The following RASA2 variants were observed in gnomAD, a reference collection of about 807,000 sequenced individuals.
RASA2 encodes the protein RAS p21 protein activator 2.
In RASA2, 155 loss-of-function variants were observed where a neutral mutation model predicts 118.2. That is an observed-to-expected ratio of 1.31 (90% CI 1.15 to 1.50). The LOEUF is 1.50. Ranked by LOEUF, RASA2 falls within the 40% of genes most tolerant of loss-of-function variation. The probability of loss-of-function intolerance (pLI) is 0.00; values close to 1 mark genes in which losing one functional copy is unlikely to be tolerated. For synonymous variants in RASA2, 353 were observed against 349.1 expected, an observed-to-expected ratio of 1.01 and a Z score of -0.12; for missense variants, 1,016 against 1,009.6, an observed-to-expected ratio of 1.01 and a Z score of -0.09.
At chr3:141,503,296 C>T (rs576952142) in intron 1 of RASA2, among the ~76,000 whole-genome samples, 1 of 152,272 alleles carries the variant, frequency 6.6e-6, no homozygotes, top group East Asian at 1.9e-4. Flanking sequence ...TGTACATACT[C>T]ACATACATGA....
intron 3 of RASA2, among the ~76,000 whole-genome samples, chr3:141,520,011 CTTT>C (rs559634060): frequency 9.1e-6 from 1 of 109,786 alleles, no homozygotes; most frequent in African/African-American, 3.6e-5. Context: ...TTCTTTTTCT[CTTT>C]TTTTTTTTTT....
At chr3:141,515,529 A>G (rs1212718198) in intron 2 of RASA2, among the ~76,000 whole-genome samples, 2 of 152,198 alleles carry the variant, frequency 1.3e-5, no homozygotes, top group Non-Finnish European at 2.9e-5. Flanking sequence ...GTTGAAATTT[A>G]GCATTGAGAA....
In RASA2 at chr3:141,540,497, T is replaced by C. The variant is rs775596216; in HGVS notation, c.451-36T>C. ...TACCTTTAATATTTTGTCAGTAAAATAGACTACTCAGTTTGTAATCTTTTT... is the reference window on the plus strand; with the variant it reads ...TACCTTTAATATTTTGTCAGTAAAACAGACTACTCAGTTTGTAATCTTTTT... On this transcript the variant is annotated intron_variant, in intron 4 of 23. Coordinates refer to ENST00000286364, the MANE Select transcript of RASA2 (RefSeq NM_006506.5). 15 of 1,517,270 alleles carry C rather than the reference T, an allele frequency of 9.9e-6. No homozygotes were observed. The African/African-American group carries it at 1.4e-4, about 14-fold the overall frequency. The allele number at this position is 1,517,270 out of a possible 1,614,324, so 94.0% of individuals were successfully genotyped here.
At chr3:141,602,320 T>G (rs1325552376) in intron 19 of RASA2, among the ~76,000 whole-genome samples, 1 of 152,242 alleles carries the variant, frequency 6.6e-6, no homozygotes, top group Non-Finnish European at 1.5e-5. Context: ...TTGTTTTACC[T>G]CAGATCATCA....
intron 15 of RASA2, among the ~76,000 whole-genome samples, chr3:141,580,069 G>GAAAA (rs1165547118): frequency 1.3e-4 from 9 of 67,940 alleles, no homozygotes; most frequent in South Asian, 6.8e-4. Flanking sequence ...AAAAAAAAAA[G>GAAAA]AAAAAAAAAA....
intron 4 of RASA2, among the ~76,000 whole-genome samples, chr3:141,532,028 TTCAACA>T (rs1418220910): frequency 2.6e-5 from 4 of 152,084 alleles, no homozygotes; most frequent in Non-Finnish European, 5.9e-5. Flanking sequence ...ACAGATTGCG[TTCAACA>T]GGAACTCAGT....
At chr3:141,590,081 G>A (rs539680407) in intron 19 of RASA2, 1 of 454,186 alleles carries the variant, frequency 2.2e-6, no homozygotes, top group African/African-American at 2.0e-5. Context: ...TAACTATTTT[G>A]ATGGATTTTT....
In RASA2 at chr3:141,607,767, T is replaced by C; in HGVS notation, c.2016+7T>C. Reference sequence around the variant, plus strand: ...CTCTTTCAACAAGAAAAATGTAAGTTATGTAAATAAATATTTAAAGCTTTC... The same window carrying C: ...CTCTTTCAACAAGAAAAATGTAAGTCATGTAAATAAATATTTAAAGCTTTC... On this transcript the variant is annotated splice_region_variant and intron_variant, in intron 20 of 23. Transcript: ENST00000286364. 1.9e-6 allele frequency: 3 copies of C among 1,569,392 alleles called. No individual in the cohort carries two copies. The highest frequency in any genetic ancestry group is 2.6e-6 in the Non-Finnish European group (3 of 1,161,684).
At chr3:141,605,301 GATGGT>G (rs1253568777) in intron 19 of RASA2, among the ~76,000 whole-genome samples, 5 of 152,042 alleles carry the variant, frequency 3.3e-5, no homozygotes, top group Admixed American at 6.6e-5. Context: ...ATCCATCCAC[GATGGT>G]ACTTAACTAT....
At position 141,577,070 on chromosome 3, in the gene RASA2, A is replaced by C; in HGVS notation, c.1554A>C (p.Val518=). The change falls in exon 15 of 24, where the codon GTA becomes GTC. Residue 518 remains valine, a synonymous_variant. Transcript: ENST00000286364. ...TTCGTTTCTTTGCTGTAGCCGTAGTATCACCTCATACTTTTCATTTGCGAC... is the reference window on the plus strand; with the variant it reads ...TTCGTTTCTTTGCTGTAGCCGTAGTCTCACCTCATACTTTTCATTTGCGAC... ...VFLRFFAVAV[V]SPHTFHLRPH... The C allele has an allele frequency of 6.2e-7, 1 of 1,610,572 alleles. No homozygotes were observed. The highest frequency in any genetic ancestry group is 8.5e-7 in the Non-Finnish European group (1 of 1,177,528).
chr3:141,515,062 G>A (rs73238079), intron 2 of RASA2, among the ~76,000 whole-genome samples: 8,405 of 152,040 alleles, frequency 0.055, 323 homozygotes, highest in Non-Finnish European at 0.082. Flanking sequence ...ATTTTGATTG[G>A]GGTGGAAGCT....
At chr3:141,565,548 G>T (rs1045133416) in intron 9 of RASA2, among the ~76,000 whole-genome samples, 2 of 152,154 alleles carry the variant, frequency 1.3e-5, no homozygotes, top group African/African-American at 4.8e-5. Flanking sequence ...TGTTCTTGTG[G>T]TAGTGAATAA....
Position 141,572,675 on chromosome 3 carries a change from A to G in RASA2, c.1236A>G (p.Ile412Met). 2 of 1,613,594 alleles carry G rather than the reference A, an allele frequency of 1.2e-6. No individual in the cohort carries two copies. ...GATGTCTGGATGAGATGATGAAAAT[A>G]GTGGGAGGGCACTACCTGAAAGTAA... Reference protein sequence around the residue: ...ATRCLDEMMKIVGGHYLKVTL... With the variant: ...ATRCLDEMMKMVGGHYLKVTL... Residue 412 changes from isoleucine (I) to methionine (M), a missense_variant, in exon 12 of 24, where the codon ATA becomes ATG. Ile to Met is a conservative substitution (Grantham distance 10, BLOSUM62 1). Transcript: ENST00000286364.
At chr3:141,532,957 A>G (rs77791416) in intron 4 of RASA2, among the ~76,000 whole-genome samples, 1,741 of 151,900 alleles carry the variant, frequency 0.011, 15 homozygotes, top group Non-Finnish European at 0.017. Context: ...TTTCCCTCTC[A>G]TTTTAATAAC....
intron 14 of RASA2, among the ~76,000 whole-genome samples, chr3:141,574,526 A>G (rs747690784): frequency 3.2e-4 from 49 of 152,142 alleles, no homozygotes; most frequent in Non-Finnish European, 6.5e-4. Flanking sequence ...AGTTTTTCAA[A>G]ATGATTCTAT....
At chr3:141,560,932 T>C (rs530570396) in intron 9 of RASA2, among the ~76,000 whole-genome samples, 1 of 152,304 alleles carries the variant, frequency 6.6e-6, no homozygotes, top group Non-Finnish European at 1.5e-5. Context: ...TTTAGAGTCT[T>C]GTCCTAGAGC....
At chr3:141,496,829 G>T (rs1051053714) in intron 1 of RASA2, among the ~76,000 whole-genome samples, 1 of 152,116 alleles carries the variant, frequency 6.6e-6, no homozygotes, top group African/African-American at 2.4e-5. Context: ...ATACCCAAAG[G>T]ATTATAAATC....
At chr3:141,571,371 A>G (rs1233595738) in intron 10 of RASA2, 35 bp from the exon 11 acceptor site, 1 of 1,594,940 alleles carries the variant, frequency 6.3e-7, no homozygotes, top group Non-Finnish European at 8.6e-7. Flanking sequence ...TGTTTCCTTG[A>G]TGTTTGTGCT....
intron 1 of RASA2, among the ~76,000 whole-genome samples, chr3:141,505,224 A>G (rs1364154363): frequency 6.6e-6 from 1 of 152,230 alleles, no homozygotes; most frequent in Non-Finnish European, 1.5e-5. Context: ...ATTGTACAAC[A>G]GTTTCGTATG....
Sources: allele counts gnomAD v4.1 joint callset (sites outside exome capture counted in the v4.1 genomes callset), GRCh38; gene constraint gnomAD v4.1.1; transcripts MANE v1.5; gene names NCBI Gene and HGNC (gene_info 2026-07-23, HGNC 2026-07-21).